The following CUX1 variants were observed in gnomAD, a reference collection of about 807,000 sequenced individuals.
The protein encoded by CUX1 is protein CASP.
CUX1 carries 31 observed loss-of-function variants against 158.8 expected under a neutral mutation model. The observed-to-expected ratio is 0.20, with a 90% CI of 0.15 to 0.26. The LOEUF (loss-of-function observed/expected upper bound fraction) is 0.26. Ranked by LOEUF, CUX1 falls within the 10% of genes least tolerant of loss-of-function variation. The probability of loss-of-function intolerance (pLI) is 1.00; values close to 1 mark genes in which losing one functional copy is unlikely to be tolerated. For missense variants in CUX1, 1,589 were observed against 2,014.6 expected, an observed-to-expected ratio of 0.79 and a Z score of 4.04; for synonymous variants, 879 against 862.1, an observed-to-expected ratio of 1.02 and a Z score of -0.34.
intron 22 of CUX1, among the ~76,000 whole-genome samples, chr7:102,236,078 C>T (rs560937316): frequency 3.3e-5 from 5 of 152,352 alleles, no homozygotes; most frequent in African/African-American, 1.2e-4. Context: ...CCAGGAAATA[C>T]GAACCTCGGT....
At chr7:101,852,760 T>C (rs1360806724) in intron 1 of CUX1, among the ~76,000 whole-genome samples, 1 of 129,626 alleles carries the variant, frequency 7.7e-6, no homozygotes. Context: ...CACTGCAACC[T>C]CCACCTCCTG....
intron 2 of CUX1, among the ~76,000 whole-genome samples, chr7:101,954,515 A>G (rs565104218): frequency 1.1e-4 from 17 of 152,218 alleles, no homozygotes; most frequent in Non-Finnish European, 2.4e-4. Flanking sequence ...AAGTAGAAAT[A>G]TGGTTAAAGC....
chr7:102,117,604 C>T (rs1831566883), intron 8 of CUX1, among the ~76,000 whole-genome samples: 1 of 152,070 alleles, frequency 6.6e-6, no homozygotes, highest in Non-Finnish European at 1.5e-5. Context: ...CCAGGGACCC[C>T]TTAACTGATC....
chr7:102,048,183 G>T (rs1823038647), intron 3 of CUX1, among the ~76,000 whole-genome samples: 2 of 152,142 alleles, frequency 1.3e-5, no homozygotes, highest in South Asian at 2.1e-4. Context: ...GCAAGGCAGG[G>T]ACTCCCAGCT....
At chr7:101,946,718 C>T (rs1585058730) in intron 2 of CUX1, among the ~76,000 whole-genome samples, 1 of 152,028 alleles carries the variant, frequency 6.6e-6, no homozygotes, top group African/African-American at 2.4e-5. Flanking sequence ...CAGATGAGTT[C>T]CCCGTGGTCA....
upstream of CUX1, chr7:101,816,029 A>T: frequency 7.0e-7 from 1 of 1,428,404 alleles, no homozygotes; most frequent in Non-Finnish European, 9.4e-7. Context: ...ATATGTCTCA[A>T]GATGGCGGCC....
At chr7:102,026,381 A>G (rs1563147118) in intron 2 of CUX1, among the ~76,000 whole-genome samples, 2 of 152,168 alleles carry the variant, frequency 1.3e-5, no homozygotes, top group South Asian at 2.1e-4. Flanking sequence ...ATAAGCACAT[A>G]TGGCTGTATG....
rs1436829731 is a variant in CUX1, at chr7:102,016,915, G to A, written c.142-11183G>A. Among the ~76,000 whole-genome samples the A allele has an allele frequency of 4.6e-5, 7 of 152,220 alleles. 1 individual carries two copies. In the South Asian group the frequency reaches 8.3e-4, roughly 18 times the overall value. ...ACAGTGGCAAAAGTCGGAGTCACAC[G>A]TCCTGGTTGGTTTCAGAGAGTCCTG... On this transcript the variant is annotated intron_variant, in intron 2 of 23. Coordinates refer to ENST00000292535, the MANE Select transcript of CUX1 (RefSeq NM_181552.4).
intron 3 of CUX1, among the ~76,000 whole-genome samples, chr7:102,065,121 A>G (rs1221408028): frequency 6.6e-6 from 1 of 151,974 alleles, no homozygotes; most frequent in Admixed American, 6.6e-5. Context: ...TCACTTGGTC[A>G]TCCAGGCTGG....
intron 1 of CUX1, among the ~76,000 whole-genome samples, chr7:101,845,010 A>G (rs1795539635): frequency 1.3e-5 from 2 of 151,922 alleles, no homozygotes; most frequent in Non-Finnish European, 2.9e-5. Flanking sequence ...TTTGATTCTG[A>G]TGTCTTATTT....
At chr7:101,944,820 A>G (rs1356428674) in intron 2 of CUX1, among the ~76,000 whole-genome samples, 1 of 152,164 alleles carries the variant, frequency 6.6e-6, no homozygotes, top group East Asian at 1.9e-4. Flanking sequence ...AGGTGGGCAC[A>G]CCCAGGTTGC....
intron 5 of CUX1, 147 bp downstream of exon 5, chr7:102,097,648 T>G (rs1458972626): frequency 1.2e-6 from 1 of 825,478 alleles, no homozygotes; most frequent in Non-Finnish European, 1.8e-6. Context: ...ATCTGAGTCG[T>G]TAAAGAGAGA....
At chr7:101,983,601 C>T (rs144598286) in intron 2 of CUX1, among the ~76,000 whole-genome samples, 1,697 of 152,302 alleles carry the variant, frequency 0.011, 13 homozygotes, top group South Asian at 0.026. Context: ...AGAAGCATGA[C>T]GCCAGCATCT....
rs1293133156 is a variant in CUX1 at position 102,252,451 on chromosome 7, C to T, written c.*3409C>T. The T allele has an allele frequency of 9.6e-5, 95 of 985,314 alleles. No individual in the cohort carries two copies. The highest frequency in any genetic ancestry group is 1.1e-4 in the Non-Finnish European group (93 of 829,944). The allele number at this position is 985,314 out of a possible 1,614,324, so 61.0% of individuals were successfully genotyped here. On this transcript the variant is annotated 3_prime_UTR_variant, in exon 24 of 24. Coordinates refer to ENST00000292535, the MANE Select transcript of CUX1 (RefSeq NM_181552.4). ...ATTTGTACCTCTCCCCTGGGGGAAA[C>T]GGTTCCATATAAAACACTAACACTT...
chr7:102,275,286 A>G, exon 17 of CUX1: 1 of 1,612,070 alleles, frequency 6.2e-7, no homozygotes. Context: ...CCAGAGGGCC[A>G]GGTGGATTCA....
At chr7:101,839,729 A>C (rs1435996463) in intron 1 of CUX1, among the ~76,000 whole-genome samples, 1 of 151,012 alleles carries the variant, frequency 6.6e-6, no homozygotes, top group Non-Finnish European at 1.5e-5. Flanking sequence ...AGCTCCTTGT[A>C]TGTTTCACAT....
intron 2 of CUX1, among the ~76,000 whole-genome samples, chr7:101,977,478 C>CA (rs1426666825): frequency 3.3e-5 from 5 of 152,080 alleles, no homozygotes; most frequent in African/African-American, 9.6e-5. Context: ...CCATCTCTAC[C>CA]AAAAAATCAA....
chr7:101,868,945 C>T (rs575092090), intron 1 of CUX1, among the ~76,000 whole-genome samples: 7 of 152,176 alleles, frequency 4.6e-5, no homozygotes, highest in South Asian at 2.1e-4. Flanking sequence ...GAAACCTGGG[C>T]GAGAACAGGA....
chr7:101,975,381 A>G (rs914110174), intron 2 of CUX1, among the ~76,000 whole-genome samples: 1 of 152,074 alleles, frequency 6.6e-6, no homozygotes, highest in Non-Finnish European at 1.5e-5. Context: ...CCTTATCTCT[A>G]CAAAAAATGA....
Sources: gnomAD v4.1 joint callset for allele counts (sites outside exome capture counted in the v4.1 genomes callset) on GRCh38, gnomAD v4.1.1 for gene constraint, MANE v1.5 for transcripts, NCBI Gene and HGNC (gene_info 2026-07-23, HGNC 2026-07-21) for gene names.